Variants in JAKMIP1 observed in about 807,000 individuals in gnomAD.
JAKMIP1 encodes janus kinase and microtubule interacting protein 1.
A neutral mutation model predicts 113.0 loss-of-function variants in JAKMIP1; 33 were observed. The observed-to-expected ratio is 0.29, with a 90% confidence interval of 0.22 to 0.39. The LOEUF (loss-of-function observed/expected upper bound fraction) is 0.39. Among genes scored for constraint, JAKMIP1 ranks in the 10% least tolerant of loss-of-function variants. The probability of loss-of-function intolerance (pLI) is 1.00; values close to 1 mark genes in which losing one functional copy is unlikely to be tolerated. For missense variants in JAKMIP1, 813 were observed against 1,080.5 expected (o/e 0.75, Z 3.47); for synonymous variants, 480 against 459.9 (o/e 1.04, Z -0.56).
chr4:6,151,336 T>C (rs1481391036), intron 1 of JAKMIP1, among the ~76,000 whole-genome samples: 3 of 152,176 alleles, frequency 2.0e-5, no homozygotes, highest in Non-Finnish European at 4.4e-5. Context: ...AGCCCAGCAA[T>C]AGCAGGGCCA....
chr4:6,028,526 G>T (rs568224981), intron 20 of JAKMIP1, among the ~76,000 whole-genome samples: 1 of 152,226 alleles, frequency 6.6e-6, no homozygotes, highest in Non-Finnish European at 1.5e-5. Context: ...CATCTCTCTG[G>T]GCACATGGTT....
At chr4:6,115,268 GGC>G (rs1474457497) in intron 1 of JAKMIP1, among the ~76,000 whole-genome samples, 2 of 152,106 alleles carry the variant, frequency 1.3e-5, no homozygotes, top group African/African-American at 4.8e-5. Flanking sequence ...AAATTAGCAG[GGC>G]GTGGTGGTGC....
At chr4:6,100,542 T>A (rs1206142181) in intron 3 of JAKMIP1, among the ~76,000 whole-genome samples, 1 of 152,240 alleles carries the variant, frequency 6.6e-6, no homozygotes, top group Non-Finnish European at 1.5e-5. Flanking sequence ...TAAGCATTCA[T>A]GTACAAATCT....
chr4:6,101,819 T>C (rs1176767310), intron 3 of JAKMIP1, among the ~76,000 whole-genome samples: 1 of 150,122 alleles, frequency 6.7e-6, no homozygotes, highest in Non-Finnish European at 1.5e-5. Flanking sequence ...GGCAGGAGAA[T>C]TGCTTGAACC....
chr4:6,131,388 C>G (rs932766581), intron 1 of JAKMIP1, among the ~76,000 whole-genome samples: 2 of 148,538 alleles, frequency 1.3e-5, no homozygotes, highest in Non-Finnish European at 3.0e-5. Flanking sequence ...AAAACAAAAC[C>G]CTACACTTAG....
At chr4:6,030,944 T>C (rs1712564010) in intron 19 of JAKMIP1, among the ~76,000 whole-genome samples, 1 of 152,074 alleles carries the variant, frequency 6.6e-6, no homozygotes, top group South Asian at 2.1e-4. Context: ...ACGCAGACGG[T>C]CCGGGGCCCC....
rs1726023636 is a variant in JAKMIP1, at chr4:6,181,567, GGGTGCCAGCGT to G, written c.-148+18675_-148+18685del. ...TGATAACTGGGAGACCAGGGCCTAT[GGGTGCCAGCGT>G]GGTGAGGGAAGGGACATCCAAAGTG... is the stretch of plus-strand genomic sequence containing the variant. On this transcript the variant is annotated intron_variant, in intron 1 of 20. Coordinates refer to ENST00000409021, the MANE Select transcript of JAKMIP1 (RefSeq NM_001099433.2). The surrounding 1 kb of genome is among the most constrained non-coding windows in gnomAD (Gnocchi z 5.4). Among the ~76,000 whole-genome samples, 1 of 152,314 alleles carries G rather than the reference GGGTGCCAGCGT, an allele frequency of 6.6e-6. No individual in the cohort carries two copies. Among genetic ancestry groups the G allele is most frequent in the East Asian group, 1.9e-4 (1 of 5,180 alleles).
intron 1 of JAKMIP1, among the ~76,000 whole-genome samples, chr4:6,146,647 C>T (rs1330639062): frequency 6.6e-6 from 1 of 152,172 alleles, no homozygotes; most frequent in African/African-American, 2.4e-5. Context: ...TGTGAATGTA[C>T]TTAACACTAC....
rs762582387 is a variant in JAKMIP1 at position 6,040,700 on chromosome 4, T to C, written c.2114A>G (p.Gln705Arg). 3 of 1,613,372 alleles carry C rather than the reference T, an allele frequency of 1.9e-6. No homozygotes were observed. In the African/African-American group the frequency reaches 4.0e-5, roughly 22 times the overall value. Residue 705 changes from glutamine to arginine, a missense_variant, in exon 18 of 21, where the codon CAG (glutamine) becomes CGG (arginine). Physicochemically the swap from Gln to Arg is conservative, Grantham distance 43. Transcript: ENST00000409021. The surrounding 1 kb of genome is among the most constrained non-coding windows in gnomAD (Gnocchi z 5.8). ...LEKEKDLFSR[Q>R]KGYLEEELDY... is the part of the protein sequence containing the mutation. ...GAGCTCCTCTTCCAGGTAGCCCTTC[T>C]GCCTGCTGAACAGGTCCTGAGAAAG...
At position 6,065,449 on chromosome 4, in the gene JAKMIP1, AG is replaced by A. The variant is rs1011760825; in HGVS notation, c.1303-442del. Among the ~76,000 whole-genome samples the A allele has an allele frequency of 2.3e-4, 35 of 152,218 alleles. No homozygotes were observed. The highest frequency in any genetic ancestry group is 8.2e-4 in the African/African-American group (34 of 41,462). On this transcript the variant is annotated intron_variant, in intron 8 of 20. Coordinates refer to ENST00000409021, the MANE Select transcript of JAKMIP1 (RefSeq NM_001099433.2). The surrounding 1 kb of genome is among the most constrained non-coding windows in gnomAD (Gnocchi z 5.1). ...ACCAAGGAGAAGGGGGACAGGGTCCAGGGAGATGCTCAGTTCTAAGGAGAAG... is the reference window on the plus strand; with the variant it reads ...ACCAAGGAGAAGGGGGACAGGGTCCAGGAGATGCTCAGTTCTAAGGAGAAG...
At chr4:6,046,333 A>C (rs1714994148) in intron 16 of JAKMIP1, among the ~76,000 whole-genome samples, 2 of 152,218 alleles carry the variant, frequency 1.3e-5, no homozygotes, top group Non-Finnish European at 2.9e-5. Context: ...ACCTTTATCC[A>C]CAGACAAATG....
At chr4:6,146,525 C>A (rs892700066) in intron 1 of JAKMIP1, among the ~76,000 whole-genome samples, 16 of 152,132 alleles carry the variant, frequency 1.1e-4, no homozygotes, top group African/African-American at 3.6e-4. Flanking sequence ...AACCTCTAGG[C>A]TCAAGCGATC....
At chr4:6,152,050 A>G (rs1721628849) in intron 1 of JAKMIP1, among the ~76,000 whole-genome samples, 1 of 151,578 alleles carries the variant, frequency 6.6e-6, no homozygotes, top group Admixed American at 6.6e-5. Context: ...AGGAGAAAGG[A>G]AGCAGGCGAA....
In JAKMIP1 at chr4:6,136,282, T is replaced by C. The variant is rs537119308; in HGVS notation, c.-147-23285A>G. On this transcript the variant is annotated intron_variant, in intron 1 of 20. Transcript: ENST00000409021. This position sits in a 1 kb window ranked among gnomAD's most constrained non-coding sequence, Gnocchi z 5.9. ...ACATAAATAACATGTACCAAAGTGC[T>C]TGACGTCTAAATGCAGGCATCTGTG... 1.3e-5 allele frequency among the ~76,000 whole-genome samples: 2 copies of C among 152,258 alleles called. No individual in the cohort carries two copies. Among genetic ancestry groups the C allele is most frequent in the East Asian group, 3.9e-4 (2 of 5,168 alleles).
intron 9 of JAKMIP1, 37 bp from the exon 10 acceptor site, chr4:6,062,477 C>A (rs1717444229): frequency 3.2e-6 from 5 of 1,578,136 alleles, no homozygotes; most frequent in Non-Finnish European, 4.3e-6. Context: ...TAATCAAGTG[C>A]AAAATTACAA....
At position 6,155,223 on chromosome 4, in the gene JAKMIP1, G is replaced by A. The variant is rs1459631716; in HGVS notation, c.-147-42226C>T. On this transcript the variant is annotated intron_variant, in intron 1 of 20. Transcript: ENST00000409021. The surrounding 1 kb of genome is among the most constrained non-coding windows in gnomAD (Gnocchi z 6.1). The stretch of plus-strand genomic sequence containing the variant: ...AGTGACCCTGGTGTGCCCACGAGGA[G>A]GACGAATGCTCCTCCTAAGGAGGAA... Among the ~76,000 whole-genome samples the A allele has an allele frequency of 1.3e-5, 2 of 152,074 alleles. No individual in the cohort carries two copies. Among genetic ancestry groups the A allele is most frequent in the Non-Finnish European group, 2.9e-5 (2 of 68,006 alleles).
intron 8 of JAKMIP1, among the ~76,000 whole-genome samples, chr4:6,073,142 G>A (rs1719220695): frequency 6.6e-6 from 1 of 151,482 alleles, no homozygotes; most frequent in Non-Finnish European, 1.5e-5. Context: ...ACAACCAGCT[G>A]CCAGTGTCTG....
intron 3 of JAKMIP1, among the ~76,000 whole-genome samples, chr4:6,090,586 A>T (rs1318018066): frequency 6.6e-6 from 1 of 152,196 alleles, no homozygotes; most frequent in African/African-American, 2.4e-5. Context: ...GATCACTTTA[A>T]ACTAGAACAT....
chr4:6,070,834 G>GA (rs5855899), intron 8 of JAKMIP1, among the ~76,000 whole-genome samples: 38,705 of 152,082 alleles, frequency 0.25, 6,147 homozygotes, highest in East Asian at 0.61. Context: ...TTATTTAATA[G>GA]AAAAACTGAT....
Sources: gnomAD v4.1 joint callset for allele counts (sites outside exome capture counted in the v4.1 genomes callset) on GRCh38, gnomAD v4.1.1 for gene constraint, Gnocchi (gnomAD v3.1) non-coding constraint, MANE v1.5 for transcripts, NCBI Gene and HGNC (gene_info 2026-07-23, HGNC 2026-07-21) for gene names.